TRIM2: variants seen among roughly 807,000 people sequenced by gnomAD.
TRIM2 encodes the protein tripartite motif-containing protein 2.
TRIM2 carries 20 observed loss-of-function variants against 75.2 expected under a neutral mutation model. The ratio of observed to expected loss-of-function variants is 0.27; its 90% CI spans 0.19 to 0.39. TRIM2 has a LOEUF of 0.39. TRIM2 is among the 10% of genes least tolerant of loss of function. The probability of loss-of-function intolerance (pLI) is 1.00; values close to 1 mark genes in which losing one functional copy is unlikely to be tolerated. For synonymous variants in TRIM2, 373 were observed against 388.3 expected (o/e 0.96, Z 0.46); for missense variants, 660 against 990.8 (o/e 0.67, Z 4.48).
chr4:153,277,066 G>A (rs1026266211), intron 3 of TRIM2, among the ~76,000 whole-genome samples: 2 of 152,158 alleles, frequency 1.3e-5, no homozygotes, highest in Non-Finnish European at 2.9e-5. Context: ...AGACAAGCAA[G>A]CAATCATTAG....
chr4:153,242,059 G>C (rs1195148125), intron 1 of TRIM2, among the ~76,000 whole-genome samples: 1 of 152,200 alleles, frequency 6.6e-6, no homozygotes, highest in East Asian at 1.9e-4. Flanking sequence ...GGCAGGCAAG[G>C]TGCTGGAACA....
At chr4:153,294,256 A>G (rs1459465326) in intron 4 of TRIM2, 49 bp from the exon 5 acceptor site, 5 of 1,580,030 alleles carry the variant, frequency 3.2e-6, no homozygotes, top group Non-Finnish European at 4.3e-6. Flanking sequence ...AGATTTTGGA[A>G]TATTTCTGGG....
intron 1 of TRIM2, among the ~76,000 whole-genome samples, chr4:153,244,141 CTTGTTCTTCTTG>C (rs1747498186): frequency 8.7e-5 from 12 of 138,664 alleles, no homozygotes; most frequent in African/African-American, 3.2e-4. Context: ...TCTTCTTCTT[CTTGTTCTTCTTG>C]TTCTTCTTCT....
intron 10 of TRIM2, 25 bp from the exon 11 acceptor site, chr4:153,328,505 A>C (rs1167430450): frequency 1.3e-6 from 2 of 1,583,178 alleles, no homozygotes; most frequent in African/African-American, 2.7e-5. Context: ...TGTAAAACAA[A>C]ATAATTTAAA....
In TRIM2 at chr4:153,221,858, GAGAGA is replaced by G. The variant is rs1417155924; in HGVS notation, c.30+17299_30+17303del. 4.8e-4 allele frequency among the ~76,000 whole-genome samples: 57 copies of G among 119,048 alleles called. 1 individual carries two copies. Among genetic ancestry groups the G allele is most frequent in the African/African-American group, 1.8e-3 (57 of 31,452 alleles). The allele number at this position is 119,048 out of a possible 152,430, so 78.1% of individuals were successfully genotyped here. ...AAGGAAGGAAAGCGCGAGGAAAGAA[GAGAGA>G]GAGGAAGGAAGGGAAGGAGGAAGGA... On this transcript the variant is annotated intron_variant, in intron 1 of 11. Coordinates refer to ENST00000338700, the MANE Select transcript of TRIM2 (RefSeq NM_015271.5).
chr4:153,316,816 T>TA lies in TRIM2; in HGVS notation c.1782+824dup, dbSNP rs1042054307. On this transcript the variant is annotated intron_variant, in intron 8 of 11. Coordinates refer to ENST00000338700, the MANE Select transcript of TRIM2 (RefSeq NM_015271.5). ...CCCGCCCATTTTCTACATTTGCTCA[T>TA]AAAAAAATTGTGAGACACGTCGTCA... Among the ~76,000 whole-genome samples the TA allele has an allele frequency of 7.8e-5, 11 of 141,726 alleles. 1 individual carries two copies. The Admixed American group carries it at 7.9e-4, about 10-fold the overall frequency. The allele number at this position is 141,726 out of a possible 152,430, so 93.0% of individuals were successfully genotyped here.
At chr4:153,214,017 G>T (rs1265862181) in intron 1 of TRIM2, among the ~76,000 whole-genome samples, 1 of 151,976 alleles carries the variant, frequency 6.6e-6, no homozygotes, top group African/African-American at 2.4e-5. Context: ...AAGTGGATGG[G>T]CTGGCATTGA....
intron 6 of TRIM2, chr4:153,307,971 T>A: frequency 7.9e-6 from 6 of 758,406 alleles, no homozygotes; most frequent in South Asian, 1.4e-5. Context: ...CAGGGGCTTG[T>A]TCTGAATACA....
intron 1 of TRIM2, among the ~76,000 whole-genome samples, chr4:153,267,755 CTCTCTT>C (rs1579167556): frequency 1.4e-5 from 2 of 148,058 alleles, no homozygotes; most frequent in East Asian, 1.9e-4. Flanking sequence ...CCTTCCTTCT[CTCTCTT>C]TCTTTTCCTT....
chr4:153,182,195 G>T (rs1458871250), intron 1 of TRIM2, among the ~76,000 whole-genome samples: 1 of 152,174 alleles, frequency 6.6e-6, no homozygotes, highest in African/African-American at 2.4e-5. Context: ...AAGCCAGAAG[G>T]GGTAAGAGCG....
intron 1 of TRIM2, among the ~76,000 whole-genome samples, chr4:153,199,094 A>T (rs6535906): frequency 6.6e-6 from 1 of 151,954 alleles, no homozygotes; most frequent in Admixed American, 6.5e-5. Context: ...AATGCTAAGT[A>T]ATATGATGAT....
intron 1 of TRIM2, among the ~76,000 whole-genome samples, chr4:153,224,923 C>G (rs1179991206): frequency 6.6e-6 from 1 of 152,150 alleles, no homozygotes; most frequent in Admixed American, 6.6e-5. Context: ...GGGTTGAATT[C>G]TATCCTTTCA....
At chr4:153,244,445 G>C (rs540925318) in intron 1 of TRIM2, among the ~76,000 whole-genome samples, 1,244 of 99,738 alleles carry the variant, frequency 0.012, 29 homozygotes, top group South Asian at 0.026. Flanking sequence ...CTTTTAATTA[G>C]AGAGGAGGCC....
intron 1 of TRIM2, among the ~76,000 whole-genome samples, chr4:153,197,643 G>A (rs575616537): frequency 3.6e-4 from 55 of 152,198 alleles, no homozygotes; most frequent in African/African-American, 1.3e-3. Context: ...AGGCCGAGGC[G>A]GGTGGATTAC....
At chr4:153,158,916 A>G (rs998196612) in intron 1 of TRIM2, among the ~76,000 whole-genome samples, 2 of 152,222 alleles carry the variant, frequency 1.3e-5, no homozygotes, top group African/African-American at 2.4e-5. Flanking sequence ...ATGGGGAGAA[A>G]GAAGACAGGC....
intron 1 of TRIM2, among the ~76,000 whole-genome samples, chr4:153,170,905 T>C (rs2149611999): frequency 6.6e-6 from 1 of 152,336 alleles, no homozygotes; most frequent in East Asian, 1.9e-4. Flanking sequence ...ACCTGACCAG[T>C]AGACTTGGCA....
intron 3 of TRIM2, among the ~76,000 whole-genome samples, chr4:153,281,903 G>T (rs1392758681): frequency 6.6e-6 from 1 of 152,192 alleles, no homozygotes; most frequent in Non-Finnish European, 1.5e-5. Context: ...ACTATCAAGG[G>T]TGTCAAAGGT....
At chr4:153,299,323 A>C (rs973757669) in intron 6 of TRIM2, among the ~76,000 whole-genome samples, 7 of 152,126 alleles carry the variant, frequency 4.6e-5, no homozygotes, top group African/African-American at 1.7e-4. Flanking sequence ...TCAATTTTTG[A>C]AGCTGAATAG....
chr4:153,200,058 C>T (rs1283263796), upstream of TRIM2, among the ~76,000 whole-genome samples: 1 of 151,524 alleles, frequency 6.6e-6, no homozygotes, highest in Non-Finnish European at 1.5e-5. Context: ...TCTCCTGCCT[C>T]AGCCTCCTGA....
Sources: gnomAD v4.1 joint callset for allele counts (sites outside exome capture counted in the v4.1 genomes callset) on GRCh38, gnomAD v4.1.1 for gene constraint, MANE v1.5 for transcripts, NCBI Gene and HGNC (gene_info 2026-07-23, HGNC 2026-07-21) for gene names.